The following NT5C2 variants were observed in gnomAD, a reference collection of about 807,000 sequenced individuals.
NT5C2 encodes 5'-nucleotidase, cytosolic II.
In NT5C2, 58 loss-of-function variants were observed where a neutral mutation model predicts 76.1. The ratio of observed to expected loss-of-function variants is 0.76; its 90% CI spans 0.62 to 0.95. NT5C2 has a LOEUF of 0.95. Among genes scored for constraint, NT5C2 ranks in the 40% least tolerant of loss-of-function variants. The pLI, the probability that NT5C2 is intolerant of heterozygous loss-of-function variation, is 0.00. For synonymous variants in NT5C2, 229 were observed against 237.4 expected (o/e 0.96, Z 0.32); for missense variants, 478 against 690.3 (o/e 0.69, Z 3.45).
At chr10:103,126,727 A>G (rs1432592170) in intron 4 of NT5C2, among the ~76,000 whole-genome samples, 1 of 152,248 alleles carries the variant, frequency 6.6e-6, no homozygotes, top group East Asian at 1.9e-4. Flanking sequence ...TTTCATATAT[A>G]AACTCATCTG....
chr10:103,187,971 T>A (rs1198182598), intron 1 of NT5C2, among the ~76,000 whole-genome samples: 1 of 152,226 alleles, frequency 6.6e-6, no homozygotes, highest in African/African-American at 2.4e-5. Context: ...AACAAAAGCA[T>A]GTCCTGTCCT....
chr10:103,164,546 G>A lies in NT5C2; in HGVS notation c.101+10312C>T, dbSNP rs368417485. Among the ~76,000 whole-genome samples the A allele has an allele frequency of 1.5e-3, 232 of 151,986 alleles. 1 individual carries two copies. The highest frequency in any genetic ancestry group is 2.4e-3 in the Non-Finnish European group (163 of 67,968). ...GCTGGGATTACAGGCATGCACCACCGCGCCCGGCCAAAAACAATGTTTTTA... is the reference window on the plus strand; with the variant it reads ...GCTGGGATTACAGGCATGCACCACCACGCCCGGCCAAAAACAATGTTTTTA... On this transcript the variant is annotated intron_variant, in intron 3 of 18. Transcript: ENST00000404739.
Position 103,157,827 on chromosome 10 carries a change from C to A in NT5C2, c.101+17031G>T, listed in dbSNP as rs1185469228. On this transcript the variant is annotated intron_variant, in intron 3 of 18. Transcript: ENST00000404739. ...CGGTGGCTCACACCTGTAATCCCAG[C>A]CCTCTGGGAGGCTGAGGCGGACAGA... is the stretch of plus-strand genomic sequence containing the variant. Among the ~76,000 whole-genome samples, 4 of 152,042 alleles carry A rather than the reference C, an allele frequency of 2.6e-5. No individual in the cohort carries two copies. The East Asian group carries it at 7.7e-4, about 29-fold the overall frequency.
intron 3 of NT5C2, among the ~76,000 whole-genome samples, chr10:103,159,197 A>T (rs1390675665): frequency 1.3e-5 from 2 of 150,704 alleles, no homozygotes; most frequent in African/African-American, 4.9e-5. Context: ...CAGGCCCGTG[A>T]ATAGCCACTG....
intron 3 of NT5C2, among the ~76,000 whole-genome samples, chr10:103,166,131 T>C (rs1474315443): frequency 6.6e-6 from 1 of 152,212 alleles, no homozygotes; most frequent in Non-Finnish European, 1.5e-5. Context: ...ACAAAGAAAT[T>C]GACATTGACA....
At chr10:103,139,538 T>TA (rs1433033038) in intron 3 of NT5C2, 59 bp from the exon 4 acceptor site, 5 of 1,194,512 alleles carry the variant, frequency 4.2e-6, no homozygotes, top group Non-Finnish European at 5.9e-6. Flanking sequence ...TCAAGTTTAA[T>TA]AAAGTTATTT....
chr10:103,142,708 G>T (rs2080711647), intron 3 of NT5C2, among the ~76,000 whole-genome samples: 1 of 152,114 alleles, frequency 6.6e-6, no homozygotes, highest in Non-Finnish European at 1.5e-5. Context: ...GGAAGGGCCA[G>T]GCACGGTGGC....
chr10:103,185,108 T>C (rs919805909), intron 1 of NT5C2, among the ~76,000 whole-genome samples: 1 of 152,184 alleles, frequency 6.6e-6, no homozygotes, highest in Non-Finnish European at 1.5e-5. Context: ...TTAAGGCTGC[T>C]TCTAACTGAA....
intron 2 of NT5C2, among the ~76,000 whole-genome samples, chr10:103,180,710 T>C (rs2090898131): frequency 6.6e-6 from 1 of 151,362 alleles, no homozygotes; most frequent in African/African-American, 2.4e-5. Flanking sequence ...GCGACAGAGA[T>C]CCTGTCTCAA....
chr10:103,146,908 T>G (rs372678253), intron 3 of NT5C2, among the ~76,000 whole-genome samples: 55 of 152,370 alleles, frequency 3.6e-4, no homozygotes, highest in African/African-American at 1.2e-3. Flanking sequence ...AGGCCAATGC[T>G]GGATTATGAA....
chr10:103,094,246 T>C, intron 13 of NT5C2, 102 bp downstream of exon 13: 1 of 834,510 alleles, frequency 1.2e-6, no homozygotes, highest in Non-Finnish European at 1.9e-6. Context: ...ATACGGCTAA[T>C]TAAAAAAAAA....
Position 103,167,617 on chromosome 10 carries a change from AT to A in NT5C2, c.101+7240del, listed in dbSNP as rs1438179257. 3.9e-5 allele frequency among the ~76,000 whole-genome samples: 6 copies of A among 152,142 alleles called. No individual in the cohort carries two copies. In the East Asian group the frequency reaches 1.2e-3, roughly 29 times the overall value. Reference sequence around the variant, plus strand: ...TTTAGTATGAGGTTTAAAAAAAAAAATAAAGATTTCCCCTTTTTTTGTTTTT... The same window carrying A: ...TTTAGTATGAGGTTTAAAAAAAAAAAAAAGATTTCCCCTTTTTTTGTTTTT... On this transcript the variant is annotated intron_variant, in intron 3 of 18. Coordinates refer to ENST00000404739, the MANE Select transcript of NT5C2 (RefSeq NM_001351169.2).
At chr10:103,108,352 A>G (rs962675133) in intron 4 of NT5C2, among the ~76,000 whole-genome samples, 1 of 152,178 alleles carries the variant, frequency 6.6e-6, no homozygotes, top group Admixed American at 6.5e-5. Context: ...ATCTCATAAT[A>G]ATGCAACTAT....
chr10:103,105,584 AG>A (rs2071031110), intron 6 of NT5C2, 121 bp downstream of exon 6: 2 of 681,000 alleles, frequency 2.9e-6, no homozygotes, highest in Admixed American at 2.7e-5. Flanking sequence ...ACCTTATGTA[AG>A]GGAATTTGCT....
intron 4 of NT5C2, among the ~76,000 whole-genome samples, chr10:103,107,982 C>T (rs1031353368): frequency 6.6e-6 from 1 of 151,998 alleles, no homozygotes; most frequent in Non-Finnish European, 1.5e-5. Flanking sequence ...CAGTGAAACC[C>T]CGTCTCTACT....
intron 4 of NT5C2, among the ~76,000 whole-genome samples, chr10:103,129,447 G>A (rs1409296125): frequency 2.8e-5 from 3 of 106,952 alleles, no homozygotes; most frequent in East Asian, 3.2e-4. Flanking sequence ...CCCTCAGCCC[G>A]GCCAGCCACC....
intron 3 of NT5C2, among the ~76,000 whole-genome samples, chr10:103,154,782 A>G (rs2083033349): frequency 6.6e-6 from 1 of 152,216 alleles, no homozygotes; most frequent in South Asian, 2.1e-4. Flanking sequence ...TTACACAAAT[A>G]TGAAGGATTT....
chr10:103,192,769 A>C (rs1241076950), intron 1 of NT5C2, among the ~76,000 whole-genome samples: 1 of 152,054 alleles, frequency 6.6e-6, no homozygotes, highest in Non-Finnish European at 1.5e-5. Context: ...CTTTTACAAG[A>C]AGCGAAAAGA....
At chr10:103,118,253 A>C (rs1926037) in intron 4 of NT5C2, among the ~76,000 whole-genome samples, 47,941 of 152,040 alleles carry the variant, frequency 0.32, 7,651 homozygotes, top group Middle Eastern at 0.36. Flanking sequence ...AATGAACCTA[A>C]CAGCTATGTA....
Sources: gnomAD v4.1 joint callset for allele counts (sites outside exome capture counted in the v4.1 genomes callset) on GRCh38, gnomAD v4.1.1 for gene constraint, MANE v1.5 for transcripts, NCBI Gene and HGNC (gene_info 2026-07-23, HGNC 2026-07-21) for gene names.